The following ESRRG variants were observed in gnomAD, a reference collection of about 807,000 sequenced individuals.
The protein encoded by ESRRG is estrogen-related receptor gamma.
Under a neutral mutation model 44.0 loss-of-function variants are expected in ESRRG, and 13 were observed. That is an observed-to-expected ratio of 0.30 (90% confidence interval 0.19 to 0.47). The LOEUF is 0.47. ESRRG is among the 20% of genes least tolerant of loss of function. ESRRG has a pLI of 1.00. For synonymous variants in ESRRG, 215 were observed against 214.6 expected (o/e 1.00, Z -0.02); for missense variants, 395 against 580.6 (o/e 0.68, Z 3.29).
chr1:216,811,484 C>G (rs959510157), intron 2 of ESRRG, among the ~76,000 whole-genome samples: 1 of 152,120 alleles, frequency 6.6e-6, no homozygotes, highest in African/African-American at 2.4e-5. Flanking sequence ...TATGTAAGTA[C>G]GCGCACTTGC....
Position 216,617,002 on chromosome 1 carries a change from T to G in ESRRG, c.589+33971A>C, listed in dbSNP as rs537254890. Among the ~76,000 whole-genome samples the G allele has an allele frequency of 9.1e-4, 138 of 152,316 alleles. 1 individual carries two copies. Among genetic ancestry groups the G allele is most frequent in the Middle Eastern group, 3.4e-3 (1 of 294 alleles). ...AGAAGACTCAGTGTATGTAGAGATC[T>G]TTTCAAATGAAACTACTGTACTGCA... On this transcript the variant is annotated intron_variant, in intron 3 of 6. Transcript: ENST00000408911.
intron 2 of ESRRG, among the ~76,000 whole-genome samples, chr1:216,815,129 T>A (rs932495059): frequency 2.0e-5 from 3 of 152,162 alleles, no homozygotes; most frequent in African/African-American, 7.2e-5. Flanking sequence ...CAAGTGGTCT[T>A]AGGTGAGCAC....
intron 2 of ESRRG, among the ~76,000 whole-genome samples, chr1:216,779,469 T>A (rs377740478): frequency 0.051 from 1,434 of 28,352 alleles, 157 homozygotes; most frequent in African/African-American, 0.18. Context: ...AATATAAATA[T>A]ATATTTATAA....
intron 2 of ESRRG, among the ~76,000 whole-genome samples, chr1:216,799,824 C>T (rs1184382371): frequency 2.0e-5 from 3 of 152,054 alleles, no homozygotes; most frequent in Admixed American, 1.3e-4. Context: ...GGCACTTCCA[C>T]GGGACTGGGT....
intron 5 of ESRRG, among the ~76,000 whole-genome samples, chr1:216,558,069 C>T (rs2149466852): frequency 6.6e-6 from 1 of 152,204 alleles, no homozygotes; most frequent in Middle Eastern, 3.4e-3. Context: ...AAAACAATGG[C>T]ATGAGTGGTG....
At position 216,568,012 on chromosome 1, in the gene ESRRG, G is replaced by C. The variant is rs1189192398; in HGVS notation, c.676C>G (p.Leu226Val). 1 of 1,612,612 alleles carries C rather than the reference G, an allele frequency of 6.2e-7. No homozygotes were observed. Among genetic ancestry groups the C allele is most frequent in the South Asian group, 1.1e-5 (1 of 91,048 alleles). ...CATGGCTTTTTGGCTGGCTGAACCA[G>C]CTGAGGGTTCAGGTATGGGCTGTTC... ...AENSPYLNPQ[L>V]VQPAKKPYNK... Residue 226 changes from leucine (L) to valine (V), a missense_variant, in exon 4 of 7, where the codon CTG becomes GTG. This residue lies in a region of ESRRG where 37 missense variants were observed against 32.9 expected (regional missense o/e 1.13). Coordinates refer to ENST00000408911, the MANE Select transcript of ESRRG (RefSeq NM_001438.4).
chr1:217,019,803 T>C (rs1560492865), intron 1 of ESRRG, among the ~76,000 whole-genome samples: 2 of 152,214 alleles, frequency 1.3e-5, no homozygotes, highest in South Asian at 4.1e-4. Context: ...ATGACTAGTA[T>C]AGTGTCTGTC....
chr1:217,118,279 C>T (rs1413179703), intron 1 of ESRRG, among the ~76,000 whole-genome samples: 2 of 152,206 alleles, frequency 1.3e-5, no homozygotes, highest in Non-Finnish European at 2.9e-5. Context: ...CTCTACTAAA[C>T]ATCTTAATGC....
chr1:216,883,350 A>C (rs1361314383), intron 2 of ESRRG, among the ~76,000 whole-genome samples: 1 of 137,710 alleles, frequency 7.3e-6, no homozygotes, highest in African/African-American at 2.7e-5. Context: ...TAGCCATTGC[A>C]CTCCAGCCTG....
chr1:216,797,534 A>G (rs1363274303), intron 2 of ESRRG, among the ~76,000 whole-genome samples: 1 of 152,112 alleles, frequency 6.6e-6, no homozygotes. Context: ...TTAGGAAAAC[A>G]CAGGTTACGT....
chr1:216,716,041 A>G (rs901612184), intron 1 of ESRRG, among the ~76,000 whole-genome samples: 1 of 152,004 alleles, frequency 6.6e-6, no homozygotes, highest in Admixed American at 6.6e-5. Flanking sequence ...AAGAAAGCGT[A>G]AGATTTTTTT....
intron 2 of ESRRG, among the ~76,000 whole-genome samples, chr1:216,798,117 C>T (rs762906266): frequency 1.3e-5 from 2 of 152,078 alleles, no homozygotes; most frequent in African/African-American, 2.4e-5. Flanking sequence ...GACCTTAGAG[C>T]TTCCATCTTT....
chr1:216,968,376 G>C (rs1349067764), intron 1 of ESRRG, among the ~76,000 whole-genome samples: 1 of 152,034 alleles, frequency 6.6e-6, no homozygotes, highest in African/African-American at 2.4e-5. Flanking sequence ...TTACATTTAG[G>C]TATATGACAC....
intron 1 of ESRRG, among the ~76,000 whole-genome samples, chr1:217,065,640 A>G (rs925040728): frequency 2.6e-5 from 4 of 152,218 alleles, no homozygotes; most frequent in African/African-American, 9.6e-5. Flanking sequence ...CACACTGGAT[A>G]CTGTCTGCCA....
chr1:216,702,691 C>G (rs370005212), intron 1 of ESRRG, among the ~76,000 whole-genome samples: 1 of 149,670 alleles, frequency 6.7e-6, no homozygotes, highest in Non-Finnish European at 1.5e-5. Context: ...GCAGCAGAAT[C>G]GCTTGAACCC....
At chr1:216,865,677 G>C (rs2096143391) in intron 2 of ESRRG, among the ~76,000 whole-genome samples, 1 of 152,032 alleles carries the variant, frequency 6.6e-6, no homozygotes, top group Non-Finnish European at 1.5e-5. Flanking sequence ...TAATCCAATG[G>C]ACCATTTAAT....
intron 3 of ESRRG, among the ~76,000 whole-genome samples, chr1:216,572,806 C>T (rs565159836): frequency 1.1e-4 from 17 of 152,020 alleles, no homozygotes; most frequent in Admixed American, 2.6e-4. Flanking sequence ...CAAAAAGTAA[C>T]GCTATGAAGA....
intron 1 of ESRRG, among the ~76,000 whole-genome samples, chr1:216,990,910 G>A (rs1371058578): frequency 6.6e-6 from 1 of 152,038 alleles, no homozygotes; most frequent in Non-Finnish European, 1.5e-5. Flanking sequence ...GCTATTTCCT[G>A]TGGTCCTATA....
intron 6 of ESRRG, among the ~76,000 whole-genome samples, chr1:216,509,719 C>T (rs2042168632): frequency 6.6e-6 from 1 of 152,218 alleles, no homozygotes; most frequent in Non-Finnish European, 1.5e-5. Context: ...AATTTAACTT[C>T]CCATTTATAG....
Sources: allele counts gnomAD v4.1 joint callset (sites outside exome capture counted in the v4.1 genomes callset), GRCh38; gene constraint gnomAD v4.1.1; regional missense constraint gnomAD v4.1.1; transcripts MANE v1.5; gene names NCBI Gene and HGNC (gene_info 2026-07-23, HGNC 2026-07-21).